The following FLT1 variants were observed in gnomAD, a reference collection of about 807,000 sequenced individuals.
FLT1 encodes vascular endothelial growth factor receptor 1.
FLT1 carries 49 observed loss-of-function variants against 156.3 expected under a neutral mutation model. That is an observed-to-expected ratio of 0.31 (90% CI 0.25 to 0.40). The LOEUF (loss-of-function observed/expected upper bound fraction) is 0.40, where lower values mean the gene tolerates loss of function less well. FLT1 is among the 10% of genes least tolerant of loss of function. FLT1 has a pLI of 1.00. For synonymous variants in FLT1, 594 were observed against 583.8 expected (o/e 1.02, Z -0.25); for missense variants, 1,322 against 1,637.2 (o/e 0.81, Z 3.32).
At chr13:28,489,915 G>A (rs1881378288) in intron 1 of FLT1, among the ~76,000 whole-genome samples, 1 of 152,182 alleles carries the variant, frequency 6.6e-6, no homozygotes. Flanking sequence ...AACCCCTTAT[G>A]TGCGTTAAGA....
At chr13:28,308,103 A>C (rs574499394) in intron 28 of FLT1, among the ~76,000 whole-genome samples, 18 of 152,288 alleles carry the variant, frequency 1.2e-4, no homozygotes, top group African/African-American at 4.1e-4. Flanking sequence ...TAATGTGTGC[A>C]GGAATCCCCT....
chr13:28,302,555 A>G lies in FLT1; in HGVS notation c.*612T>C. 1 of 233,390 alleles carries G rather than the reference A, an allele frequency of 4.3e-6. No homozygotes were observed. Among genetic ancestry groups the G allele is most frequent in the Non-Finnish European group, 8.5e-6 (1 of 118,166 alleles). The allele number at this position is 233,390 out of a possible 1,614,324, so 14.5% of individuals were successfully genotyped here. Reference sequence around the variant, plus strand: ...CTCCTGGCTGGGCCCTCAAATGTAGAAGGGTCAGAGCTGGGAAGCCACTGA... The same window carrying G: ...CTCCTGGCTGGGCCCTCAAATGTAGGAGGGTCAGAGCTGGGAAGCCACTGA... On this transcript the variant is annotated 3_prime_UTR_variant, in exon 30 of 30. Transcript: ENST00000282397.
rs374796929 is a variant in FLT1 at position 28,311,622 on chromosome 13, C to T, written c.3603G>A (p.Pro1201=). 1.5e-5 allele frequency: 25 copies of T among 1,613,606 alleles called. No homozygotes were observed. Among genetic ancestry groups the T allele is most frequent in the South Asian group, 3.3e-5 (3 of 91,070 alleles). Residue 1201 remains proline (P), a synonymous_variant, in exon 27 of 30, where the codon CCG becomes CCA. Coordinates refer to ENST00000282397, the MANE Select transcript of FLT1 (RefSeq NM_002019.4). ...EDFFKESISA[P]KFNSGSSDDV... ...CATCAGAGCTTCCTGAATTAAACTTCGGAGCTGAAATACTTTCCTTGAAGA... is the reference window on the plus strand; with the variant it reads ...CATCAGAGCTTCCTGAATTAAACTTTGGAGCTGAAATACTTTCCTTGAAGA...
chr13:28,342,082 C>T (rs1327052240), intron 16 of FLT1, among the ~76,000 whole-genome samples: 1 of 152,082 alleles, frequency 6.6e-6, no homozygotes, highest in Non-Finnish European at 1.5e-5. Context: ...AGGGTTTCAC[C>T]ATGTTGGCCA....
chr13:28,382,430 C>T (rs12428494), intron 14 of FLT1, among the ~76,000 whole-genome samples: 2,028 of 152,238 alleles, frequency 0.013, 43 homozygotes, highest in African/African-American at 0.035. Flanking sequence ...TAGGCAGGGG[C>T]TAGATATTGA....
intron 10 of FLT1, among the ~76,000 whole-genome samples, chr13:28,413,599 T>C (rs2137512882): frequency 6.6e-6 from 1 of 152,238 alleles, no homozygotes; most frequent in East Asian, 1.9e-4. Context: ...ATTTGAGAAA[T>C]AAGAAATCTT....
chr13:28,483,746 A>G (rs76531954), intron 1 of FLT1, among the ~76,000 whole-genome samples: 2 of 152,230 alleles, frequency 1.3e-5, no homozygotes, highest in Non-Finnish European at 2.9e-5. Flanking sequence ...CCAATCAAAC[A>G]GGGAAATCAA....
intron 15 of FLT1, among the ~76,000 whole-genome samples, chr13:28,350,721 G>C (rs1872712272): frequency 6.6e-6 from 1 of 152,098 alleles, no homozygotes; most frequent in Non-Finnish European, 1.5e-5. Flanking sequence ...CCTTGACTTA[G>C]GGACCGAACA....
intron 28 of FLT1, among the ~76,000 whole-genome samples, chr13:28,307,493 C>T (rs1483535704): frequency 6.6e-6 from 1 of 152,146 alleles, no homozygotes; most frequent in African/African-American, 2.4e-5. Context: ...ACGTTTTGCT[C>T]AGTATTTTTC....
At chr13:28,438,382 ATGAT>A in intron 3 of FLT1, 37 bp from the exon 4 acceptor site, 1 of 1,536,494 alleles carries the variant, frequency 6.5e-7, no homozygotes, top group Non-Finnish European at 9.0e-7. Context: ...ATATACATAA[ATGAT>A]TGACATGCAA....
intron 3 of FLT1, chr13:28,466,624 A>C (rs1879859519): frequency 4.3e-6 from 2 of 460,128 alleles, no homozygotes; most frequent in East Asian, 7.7e-5. Context: ...TCACTTATTC[A>C]TCCAACTATG....
At chr13:28,423,005 T>C (rs576057124) in intron 10 of FLT1, among the ~76,000 whole-genome samples, 195 of 152,284 alleles carry the variant, frequency 1.3e-3, no homozygotes, top group African/African-American at 4.6e-3. Context: ...GTATCTCCTG[T>C]GAGGCTGCAT....
At chr13:28,405,343 T>G (rs10507384) in intron 11 of FLT1, among the ~76,000 whole-genome samples, 9,603 of 152,320 alleles carry the variant, frequency 0.063, 592 homozygotes, top group Admixed American at 0.19. Flanking sequence ...GTTTTAGCTC[T>G]AAGTCTTGCA....
intron 18 of FLT1, among the ~76,000 whole-genome samples, chr13:28,332,610 A>G (rs1014755881): frequency 6.6e-5 from 10 of 152,168 alleles, no homozygotes; most frequent in African/African-American, 2.4e-4. Flanking sequence ...GCACACTGGT[A>G]TGGAGGAAAG....
In FLT1 at chr13:28,460,288, C is replaced by A. The variant is rs139784343; in HGVS notation, c.388+6615G>T. Among the ~76,000 whole-genome samples the A allele has an allele frequency of 2.0e-3, 301 of 152,316 alleles. 1 individual carries two copies. The highest frequency in any genetic ancestry group is 6.7e-3 in the African/African-American group (279 of 41,584). ...CACTCCTTAGAGACCCACTTCTGAACAATAGTTATTCTCTAAAAAATAAAA... is the reference window on the plus strand; with the variant it reads ...CACTCCTTAGAGACCCACTTCTGAAAAATAGTTATTCTCTAAAAAATAAAA... On this transcript the variant is annotated intron_variant, in intron 3 of 29. Coordinates refer to ENST00000282397, the MANE Select transcript of FLT1 (RefSeq NM_002019.4).
chr13:28,469,168 G>C (rs374531454), intron 1 of FLT1, among the ~76,000 whole-genome samples: 1 of 152,204 alleles, frequency 6.6e-6, no homozygotes, highest in East Asian at 1.9e-4. Context: ...GTTAGCAGGA[G>C]AGAGGAAAGA....
intron 27 of FLT1, among the ~76,000 whole-genome samples, chr13:28,311,227 G>A (rs1005104173): frequency 1.5e-4 from 23 of 152,170 alleles, no homozygotes; most frequent in African/African-American, 4.3e-4. Flanking sequence ...AAAGTGCTGC[G>A]ATTACAGGCA....
At chr13:28,336,402 C>T (rs1872116509) in intron 17 of FLT1, among the ~76,000 whole-genome samples, 1 of 152,228 alleles carries the variant, frequency 6.6e-6, no homozygotes, top group African/African-American at 2.4e-5. Flanking sequence ...CTTGACCTCA[C>T]CTGATCTTTC....
intron 1 of FLT1, among the ~76,000 whole-genome samples, chr13:28,473,146 G>A (rs900265922): frequency 5.3e-5 from 8 of 152,222 alleles, no homozygotes; most frequent in East Asian, 1.9e-4. Flanking sequence ...CTCTTACATC[G>A]CAGGTAGGAC....
Sources: gnomAD v4.1 joint callset for allele counts (sites outside exome capture counted in the v4.1 genomes callset) on GRCh38, gnomAD v4.1.1 for gene constraint, MANE v1.5 for transcripts, NCBI Gene and HGNC (gene_info 2026-07-23, HGNC 2026-07-21) for gene names.